Variants in KSR1 observed in about 807,000 individuals in gnomAD.
KSR1 encodes the protein kinase suppressor of ras 1, also known as kinase suppressor of ras.
KSR1 carries 35 observed loss-of-function variants against 92.9 expected under a neutral mutation model. The observed-to-expected ratio is 0.38, with a 90% confidence interval of 0.29 to 0.50. KSR1 has a LOEUF of 0.50. Ranked by LOEUF, KSR1 falls within the 20% of genes least tolerant of loss-of-function variation. The pLI is 0.94. For missense variants in KSR1, 972 were observed against 1,158.5 expected (o/e 0.84, Z 2.34); for synonymous variants, 467 against 472.6 (o/e 0.99, Z 0.15).
Position 27,582,715 on chromosome 17 carries a change from CCACGGA to C in KSR1, c.594_599del (p.Asp199_Thr200del). ...CGGCGGGAAAGTGGCTCAGGGCCTT[CCACGGA>C]CACCCTCTCAGCAGCCAGCCTGCCC... On this transcript the variant is annotated inframe_deletion, in exon 4 of 21. Transcript: ENST00000644974. The C allele has an allele frequency of 6.2e-7, 1 of 1,613,862 alleles. No homozygotes were observed. The highest frequency in any genetic ancestry group is 8.5e-7 in the Non-Finnish European group (1 of 1,179,838).
At chr17:27,618,364 T>G (rs2151268164) in intron 19 of KSR1, among the ~76,000 whole-genome samples, 2 of 152,384 alleles carry the variant, frequency 1.3e-5, no homozygotes, top group South Asian at 4.1e-4. Context: ...AGAAGAGACC[T>G]CTGCTCTGTC....
chr17:27,493,471 G>A (rs1158525679), intron 1 of KSR1, among the ~76,000 whole-genome samples: 6 of 152,184 alleles, frequency 3.9e-5, no homozygotes, highest in Admixed American at 3.9e-4. Flanking sequence ...TCCGTATAAT[G>A]TTTATGGCCT....
intron 1 of KSR1, among the ~76,000 whole-genome samples, chr17:27,549,407 A>T (rs1420550860): frequency 6.6e-6 from 1 of 152,204 alleles, no homozygotes; most frequent in Non-Finnish European, 1.5e-5. Context: ...TCTGTTGGGA[A>T]TGCGAGTCCC....
chr17:27,518,763 C>G lies in KSR1; in HGVS notation c.232-31805C>G, dbSNP rs190403114. On this transcript the variant is annotated intron_variant, in intron 1 of 20. Coordinates refer to ENST00000644974, the MANE Select transcript of KSR1 (RefSeq NM_001394583.1). ...GGATAAATGGTGGACACTCCCTAGA[C>G]CCTCCTCCCTCTCCACCAAAGGCAT... 1.4e-4 allele frequency among the ~76,000 whole-genome samples: 22 copies of G among 152,336 alleles called. No individual in the cohort carries two copies. In the East Asian group the frequency reaches 4.2e-3, roughly 29 times the overall value.
chr17:27,512,865 C>T (rs999412304), intron 1 of KSR1, among the ~76,000 whole-genome samples: 1 of 152,172 alleles, frequency 6.6e-6, no homozygotes, highest in African/African-American at 2.4e-5. Context: ...AAATGTACAG[C>T]TTGGTGAATT....
chr17:27,463,639 TG>T (rs2019551588), intron 1 of KSR1, among the ~76,000 whole-genome samples: 1 of 152,086 alleles, frequency 6.6e-6, no homozygotes, highest in South Asian at 2.1e-4. Flanking sequence ...GGGGGCCCCC[TG>T]GGCTGACCAA....
intron 4 of KSR1, among the ~76,000 whole-genome samples, chr17:27,585,299 G>A (rs2072923357): frequency 6.6e-6 from 1 of 152,190 alleles, no homozygotes; most frequent in African/African-American, 2.4e-5. Flanking sequence ...TGTGAGCCAT[G>A]TGACCTACTG....
At chr17:27,611,241 G>A in intron 17 of KSR1, 2 of 498,152 alleles carry the variant, frequency 4.0e-6, no homozygotes, top group Non-Finnish European at 7.2e-6. Context: ...TTGTGCTGAG[G>A]TCAGAATGAC....
chr17:27,534,462 C>T (rs936399978), intron 1 of KSR1, among the ~76,000 whole-genome samples: 25 of 152,294 alleles, frequency 1.6e-4, no homozygotes, highest in South Asian at 4.1e-4. Flanking sequence ...TAGACATCCC[C>T]CTCTTCCCCC....
chr17:27,531,365 C>CG (rs1209938357), intron 1 of KSR1, among the ~76,000 whole-genome samples: 1 of 152,224 alleles, frequency 6.6e-6, no homozygotes, highest in African/African-American at 2.4e-5. Flanking sequence ...GTGCAGGTGA[C>CG]GGGGAGGCCA....
intron 1 of KSR1, among the ~76,000 whole-genome samples, chr17:27,535,307 T>TGAGTGTGAGGTGCTGCGACC (rs1348407412): frequency 6.6e-6 from 1 of 152,142 alleles, no homozygotes; most frequent in Admixed American, 6.5e-5. Context: ...GTGCTGTGAC[T>TGAGTGTGAGGTGCTGCGACC]GAGTGTGAGG....
intron 1 of KSR1, among the ~76,000 whole-genome samples, chr17:27,489,062 T>C (rs79145616): frequency 6.6e-6 from 1 of 152,252 alleles, no homozygotes; most frequent in Non-Finnish European, 1.5e-5. Context: ...ACGAAAGCCC[T>C]GCATGGCTCT....
At chr17:27,497,812 AG>A (rs1458050203) in intron 1 of KSR1, among the ~76,000 whole-genome samples, 3 of 152,226 alleles carry the variant, frequency 2.0e-5, no homozygotes, top group Non-Finnish European at 4.4e-5. Flanking sequence ...ATGTGCAGCA[AG>A]GAGGGCCAGC....
chr17:27,542,586 T>C (rs553212581), intron 1 of KSR1, among the ~76,000 whole-genome samples: 1 of 152,320 alleles, frequency 6.6e-6, no homozygotes, highest in African/African-American at 2.4e-5. Flanking sequence ...AGGGTGGAGC[T>C]GACTTTGTTT....
chr17:27,560,725 C>T (rs866545401), intron 2 of KSR1, among the ~76,000 whole-genome samples: 6 of 152,212 alleles, frequency 3.9e-5, no homozygotes, highest in Non-Finnish European at 8.8e-5. Flanking sequence ...CAGCTTGAGT[C>T]GGCATGACTA....
chr17:27,518,180 G>A (rs1011520256), intron 1 of KSR1, among the ~76,000 whole-genome samples: 2 of 152,096 alleles, frequency 1.3e-5, no homozygotes, highest in African/African-American at 4.8e-5. Context: ...TTGGCAAGGG[G>A]GGAGCTGGCA....
chr17:27,578,361 C>T (rs1239951114), intron 3 of KSR1: 2 of 153,310 alleles, frequency 1.3e-5, no homozygotes, highest in Non-Finnish European at 2.9e-5. Flanking sequence ...GTTTTTTCTT[C>T]CCAGAGAGGA....
chr17:27,526,094 T>TTCTTTATTTCTTTCTTTCTTTCTTTC (rs55706224), intron 1 of KSR1, among the ~76,000 whole-genome samples: 1 of 118,402 alleles, frequency 8.4e-6, no homozygotes, highest in Non-Finnish European at 1.7e-5. Flanking sequence ...CTTTCTTTCT[T>TTCTTTATTTCTTTCTTTCTTTCTTTC]TCTCTCTCTC....
chr17:27,513,760 G>A (rs1456672925), intron 1 of KSR1, among the ~76,000 whole-genome samples: 6 of 152,222 alleles, frequency 3.9e-5, no homozygotes, highest in Non-Finnish European at 8.8e-5. Context: ...CCCCTGCAAG[G>A]CAGAATACGG....
Sources: gnomAD v4.1 joint callset for allele counts (sites outside exome capture counted in the v4.1 genomes callset) on GRCh38, gnomAD v4.1.1 for gene constraint, MANE v1.5 for transcripts, NCBI Gene and HGNC (gene_info 2026-07-23, HGNC 2026-07-21) for gene names.